Variants in ENOX1 observed in about 807,000 individuals in gnomAD.
ENOX1 encodes candidate growth-related and time keeping constitutive hydroquinone (NADH) oxidase.
Under a neutral mutation model 82.5 loss-of-function variants are expected in ENOX1, and 42 were observed. That is an observed-to-expected ratio of 0.51 (90% CI 0.40 to 0.66). The LOEUF is 0.66. ENOX1 is among the 30% of genes least tolerant of loss of function. The probability of loss-of-function intolerance (pLI) is 0.00; values close to 1 mark genes in which losing one functional copy is unlikely to be tolerated. For synonymous variants in ENOX1, 271 were observed against 282.2 expected (o/e 0.96, Z 0.40); for missense variants, 608 against 811.6 (o/e 0.75, Z 3.05).
intron 2 of ENOX1, among the ~76,000 whole-genome samples, chr13:43,665,567 T>C (rs1355397669): frequency 6.6e-6 from 1 of 152,056 alleles, no homozygotes; most frequent in Non-Finnish European, 1.5e-5. Context: ...TGGCTAAGTA[T>C]GATTTAAACG....
At chr13:43,402,564 C>A (rs79704419) in intron 5 of ENOX1, among the ~76,000 whole-genome samples, 2,027 of 152,234 alleles carry the variant, frequency 0.013, 37 homozygotes, top group African/African-American at 0.045. Context: ...TATATTAGCA[C>A]ATAAATGACA....
intron 1 of ENOX1, among the ~76,000 whole-genome samples, chr13:43,699,961 T>A (rs2086826627): frequency 6.6e-6 from 1 of 152,178 alleles, no homozygotes; most frequent in South Asian, 2.1e-4. Flanking sequence ...TTGGCAACAT[T>A]CCAATTCTTC....
intron 11 of ENOX1, among the ~76,000 whole-genome samples, chr13:43,309,815 AAC>A (rs1381689784): frequency 7.6e-6 from 1 of 131,572 alleles, no homozygotes; most frequent in Non-Finnish European, 1.6e-5. Context: ...CCCACAAAAA[AAC>A]AGTTTTTGCT....
chr13:43,283,287 G>A (rs1307933905), intron 12 of ENOX1, among the ~76,000 whole-genome samples: 1 of 151,698 alleles, frequency 6.6e-6, no homozygotes, highest in Admixed American at 6.6e-5. Flanking sequence ...CTGTTTTTAG[G>A]TTGTTCTCTT....
chr13:43,739,200 T>C (rs1220776793), intron 1 of ENOX1, among the ~76,000 whole-genome samples: 1 of 152,174 alleles, frequency 6.6e-6, no homozygotes, highest in Non-Finnish European at 1.5e-5. Context: ...TGGTGAACAA[T>C]ACCAGGCCAA....
At position 43,213,306 on chromosome 13, in the gene ENOX1, T is replaced by C. The variant is rs1181665735; in HGVS notation, c.*684A>G. Among the ~76,000 whole-genome samples the C allele has an allele frequency of 6.6e-6, 1 of 152,136 alleles. No homozygotes were observed. The highest frequency in any genetic ancestry group is 1.5e-5 in the Non-Finnish European group (1 of 67,970). ...TTTATGAAAACTGTTATGCAGTCCA[T>C]GTTAAAAGAACTTATGATGGAGAAT... On this transcript the variant is annotated 3_prime_UTR_variant, in exon 17 of 17. Coordinates refer to ENST00000690772, the MANE Select transcript of ENOX1 (RefSeq NM_001347969.2).
At chr13:43,256,117 T>C (rs897935336) in intron 14 of ENOX1, among the ~76,000 whole-genome samples, 13 of 152,166 alleles carry the variant, frequency 8.5e-5, no homozygotes, top group Admixed American at 7.9e-4. Context: ...AGAATGAAAC[T>C]AGACCCCTCT....
At chr13:43,551,336 A>G (rs527919855) in intron 2 of ENOX1, among the ~76,000 whole-genome samples, 7 of 152,114 alleles carry the variant, frequency 4.6e-5, no homozygotes, top group Non-Finnish European at 7.4e-5. Flanking sequence ...ATTGACTTGT[A>G]TATGTTAAAT....
chr13:43,626,181 T>C (rs1272392757), intron 2 of ENOX1, among the ~76,000 whole-genome samples: 2 of 151,882 alleles, frequency 1.3e-5, no homozygotes, highest in Non-Finnish European at 3.0e-5. Flanking sequence ...GGGTCTTCAG[T>C]GACATATACA....
At chr13:43,669,713 G>C (rs2085163356) in intron 1 of ENOX1, among the ~76,000 whole-genome samples, 1 of 151,754 alleles carries the variant, frequency 6.6e-6, no homozygotes, top group Non-Finnish European at 1.5e-5. Context: ...CCCAAGCATA[G>C]AGCTTAGAAA....
chr13:43,271,204 G>A (rs905978835), intron 12 of ENOX1, among the ~76,000 whole-genome samples: 2 of 152,162 alleles, frequency 1.3e-5, no homozygotes, highest in Admixed American at 6.6e-5. Flanking sequence ...CAGCACTTGA[G>A]GTGGCAAAAC....
chr13:43,288,168 G>C (rs2045807656), intron 12 of ENOX1, among the ~76,000 whole-genome samples: 1 of 152,198 alleles, frequency 6.6e-6, no homozygotes, highest in African/African-American at 2.4e-5. Flanking sequence ...GTTAAAGGAA[G>C]ACCATGGTGG....
chr13:43,373,490 C>A (rs1192410013), intron 5 of ENOX1, among the ~76,000 whole-genome samples: 2 of 152,288 alleles, frequency 1.3e-5, no homozygotes, highest in Non-Finnish European at 2.9e-5. Context: ...GTTTGGCATA[C>A]CCACTTTCCC....
Position 43,696,916 on chromosome 13 carries a change from G to T in ENOX1, c.-284-29372C>A, listed in dbSNP as rs116876971. Among the ~76,000 whole-genome samples the T allele has an allele frequency of 1.8e-3, 271 of 151,560 alleles. 2 individuals carry two copies. Among genetic ancestry groups the T allele is most frequent in the East Asian group, 0.014 (73 of 5,134 alleles). ...AGGATAAAAATGTCTTAAACAAGCA[G>T]AAATGAGGAGTTGCATCTCAGGCAG... is the stretch of plus-strand genomic sequence containing the variant. On this transcript the variant is annotated intron_variant, in intron 1 of 16. Coordinates refer to ENST00000690772, the MANE Select transcript of ENOX1 (RefSeq NM_001347969.2).
At chr13:43,780,754 G>C (rs1952208188) in intron 1 of ENOX1, among the ~76,000 whole-genome samples, 1 of 152,176 alleles carries the variant, frequency 6.6e-6, no homozygotes, top group Admixed American at 6.5e-5. Flanking sequence ...GGTAACTCTG[G>C]GCTCTATCCC....
intron 1 of ENOX1, among the ~76,000 whole-genome samples, chr13:43,777,020 G>A (rs1453911479): frequency 6.6e-6 from 1 of 152,210 alleles, no homozygotes; most frequent in African/African-American, 2.4e-5. Flanking sequence ...AGAAATGCTG[G>A]TGAAAGGAAG....
chr13:43,641,121 T>C (rs2083629565), intron 2 of ENOX1, among the ~76,000 whole-genome samples: 2 of 152,234 alleles, frequency 1.3e-5, no homozygotes, highest in South Asian at 2.1e-4. Flanking sequence ...ATACATCAAA[T>C]ATTTAAGTAA....
rs371242161 is a variant in ENOX1, at chr13:43,334,419, A to T, written c.1037-7894T>A. On this transcript the variant is annotated intron_variant, in intron 9 of 16. Transcript: ENST00000690772. Reference sequence around the variant, plus strand: ...TGTGTAATGTGCTAGACTTTGTACTACACACTGGGGATAAAAAGGGCCAAA... The same window carrying T: ...TGTGTAATGTGCTAGACTTTGTACTTCACACTGGGGATAAAAAGGGCCAAA... Among the ~76,000 whole-genome samples, 13 of 152,302 alleles carry T rather than the reference A, an allele frequency of 8.5e-5. No homozygotes were observed. The South Asian group carries it at 2.7e-3, about 32-fold the overall frequency.
chr13:43,326,126 C>T (rs764058027), intron 10 of ENOX1, among the ~76,000 whole-genome samples: 1 of 151,358 alleles, frequency 6.6e-6, no homozygotes, highest in Non-Finnish European at 1.5e-5. Flanking sequence ...CATTTTTCTT[C>T]AAAATAATTT....
Sources: gnomAD v4.1 joint callset for allele counts (sites outside exome capture counted in the v4.1 genomes callset) on GRCh38, gnomAD v4.1.1 for gene constraint, MANE v1.5 for transcripts, NCBI Gene and HGNC (gene_info 2026-07-23, HGNC 2026-07-21) for gene names.